Variants in CPA5 observed in about 807,000 individuals in gnomAD.
The protein encoded by CPA5 is testicular tissue protein Li 32.
A neutral mutation model predicts 52.2 loss-of-function variants in CPA5; 38 were observed. The observed-to-expected ratio is 0.73, with a 90% CI of 0.56 to 0.95. The LOEUF is 0.95. Ranked by LOEUF, CPA5 falls within the 40% of genes least tolerant of loss-of-function variation. The pLI, the probability that CPA5 is intolerant of heterozygous loss-of-function variation, is 0.00. For missense variants in CPA5, 519 were observed against 566.7 expected (o/e 0.92, Z 0.86); for synonymous variants, 198 against 213.7 (o/e 0.93, Z 0.64).
At chr7:130,355,492 C>T (rs915340485) in intron 5 of CPA5, among the ~76,000 whole-genome samples, 13 of 152,196 alleles carry the variant, frequency 8.5e-5, no homozygotes, top group East Asian at 5.8e-4. Flanking sequence ...CTGCAACCTC[C>T]GCCTCCTGGG....
Position 130,367,435 on chromosome 7 carries a change from C to T in CPA5, c.902C>T (p.Pro301Leu), listed in dbSNP as rs150704097. 3.2e-4 allele frequency: 517 copies of T among 1,614,100 alleles called. 1 individual carries two copies. The highest frequency in any genetic ancestry group is 1.3e-3 in the Middle Eastern group (8 of 6,052). The change falls in exon 11 of 13, where the codon CCG becomes CTG. Residue 301 changes from proline (P) to leucine (L), a missense_variant. Transcript: ENST00000474905. The stretch of plus-strand genomic sequence containing the variant: ...CACGGGCCCTCCCCTCAGTCGGAGC[C>T]GGAGGTGGCTGCCATAGTGAACTTC... ...TYHGPSPQSE[P>L]EVAAIVNFIT...
intron 7 of CPA5, 125 bp downstream of exon 7, chr7:130,361,369 C>T: frequency 1.5e-6 from 1 of 662,080 alleles, no homozygotes; most frequent in Non-Finnish European, 2.7e-6. Flanking sequence ...ACTCCTGTCC[C>T]CAGGTGACCC....
downstream of CPA5, among the ~76,000 whole-genome samples, chr7:130,370,335 T>TC (rs1796282569): frequency 6.7e-6 from 1 of 150,036 alleles, no homozygotes; most frequent in Admixed American, 6.6e-5. Context: ...ACAGGAGACT[T>TC]TTTTTTTTTA....
downstream of CPA5, among the ~76,000 whole-genome samples, chr7:130,372,322 G>C (rs1796302923): frequency 6.6e-6 from 1 of 152,226 alleles, no homozygotes; most frequent in South Asian, 2.1e-4. Context: ...TTAAAGGACT[G>C]TTTCTTCTCA....
intron 4 of CPA5, among the ~76,000 whole-genome samples, chr7:130,348,227 G>A (rs1177355872): frequency 1.3e-5 from 2 of 152,160 alleles, no homozygotes; most frequent in Admixed American, 6.5e-5. Flanking sequence ...CAAGTGAAAC[G>A]GCTTAGCTTG....
rs2117350738 is a variant in CPA5 at position 130,353,827 on chromosome 7, T to C, written c.333+3718T>C. ...AGCAGCCAGAAGAGTCCTTTAAAAC[T>C]ATTGCAAATTCAAGCATGTTGTTCC... On this transcript the variant is annotated intron_variant, in intron 5 of 12. Transcript: ENST00000474905. Among the ~76,000 whole-genome samples, 2 of 152,290 alleles carry C rather than the reference T, an allele frequency of 1.3e-5. 1 individual carries two copies. The highest frequency in any genetic ancestry group is 6.8e-3 in the Middle Eastern group (2 of 294).
intron 7 of CPA5, among the ~76,000 whole-genome samples, chr7:130,361,817 G>A (rs899610995): frequency 1.1e-4 from 16 of 152,210 alleles, no homozygotes; most frequent in African/African-American, 9.7e-5. Flanking sequence ...AAGGGCACCC[G>A]GGAGTGTGGA....
chr7:130,363,173 C>T (rs1476618212), intron 9 of CPA5, among the ~76,000 whole-genome samples, 179 bp downstream of exon 9: 4 of 152,224 alleles, frequency 2.6e-5, no homozygotes, highest in Non-Finnish European at 5.9e-5. Context: ...TTTCTTGCTG[C>T]CCAGGGAAGG....
In CPA5 at chr7:130,367,362, T is replaced by TTA; in HGVS notation, c.839-9_839-8dup. 1 of 1,613,714 alleles carries TTA rather than the reference T, an allele frequency of 6.2e-7. No homozygotes were observed. Among genetic ancestry groups the TTA allele is most frequent in the Non-Finnish European group, 8.5e-7 (1 of 1,179,918 alleles). On this transcript the variant is annotated splice_polypyrimidine_tract_variant and intron_variant, in intron 10 of 12. Transcript: ENST00000474905. ...ATTTGACTCTTTGGGTGGCTTTATTTTACTTCCAGGAAATGGTTCTAACAG... is the reference window on the plus strand; with the variant it reads ...ATTTGACTCTTTGGGTGGCTTTATTTTATACTTCCAGGAAATGGTTCTAACAG...
intron 5 of CPA5, among the ~76,000 whole-genome samples, chr7:130,351,008 C>T (rs1364289401): frequency 6.6e-6 from 1 of 152,214 alleles, no homozygotes; most frequent in African/African-American, 2.4e-5. Context: ...CCTAAGGGCT[C>T]CGACTGTGGG....
At position 130,363,425 on chromosome 7, in the gene CPA5, T is replaced by G; in HGVS notation, c.754T>G (p.Leu252Val). 1 of 1,569,230 alleles carries G rather than the reference T, an allele frequency of 6.4e-7. No homozygotes were observed. Among genetic ancestry groups the G allele is most frequent in the Non-Finnish European group, 8.7e-7 (1 of 1,155,948 alleles). ...CTGTCCTGGGCTTTCCCAGAACCGCTTATGGCGGAAGAACAAGTCCATCAG... is the reference window on the plus strand; with the variant it reads ...CTGTCCTGGGCTTTCCCAGAACCGCGTATGGCGGAAGAACAAGTCCATCAG... ...GFAFTHSMNR[L>V]WRKNKSIRPG... is the part of the protein sequence containing the mutation. The change falls in exon 10 of 13, where the codon TTA becomes GTA. Residue 252 changes from leucine to valine, a missense_variant. Leu to Val is a conservative substitution (Grantham distance 32). Transcript: ENST00000474905.
chr7:130,348,591 G>T (rs192526467), intron 4 of CPA5, among the ~76,000 whole-genome samples: 35 of 152,336 alleles, frequency 2.3e-4, no homozygotes, highest in Admixed American at 2.3e-3. Flanking sequence ...CCTGACCAGG[G>T]TTCTTGTCTG....
chr7:130,361,312 T>G (rs1456734909), intron 7 of CPA5, 68 bp downstream of exon 7: 3 of 1,093,040 alleles, frequency 2.7e-6, no homozygotes, highest in Non-Finnish European at 4.2e-6. Flanking sequence ...TGATCTCATA[T>G]GGGGTAGTGG....
intron 6 of CPA5, 42 bp downstream of exon 6, chr7:130,359,729 G>T: frequency 7.3e-7 from 1 of 1,374,294 alleles, no homozygotes; most frequent in South Asian, 1.3e-5. Flanking sequence ...TTGTGTCTTT[G>T]GGCCCCTTAG....
At chr7:130,361,888 G>A (rs1004431687) in intron 7 of CPA5, among the ~76,000 whole-genome samples, 2 of 152,182 alleles carry the variant, frequency 1.3e-5, no homozygotes, top group Non-Finnish European at 2.9e-5. Context: ...TGCTCTCAAC[G>A]ATTCTCTGAT....
chr7:130,371,818 A>C (rs1796297638), downstream of CPA5, among the ~76,000 whole-genome samples: 1 of 152,116 alleles, frequency 6.6e-6, no homozygotes, highest in Non-Finnish European at 1.5e-5. Flanking sequence ...TGGCCTCCCA[A>C]AGTGCTGGGA....
At chr7:130,357,131 G>C (rs573169033) in intron 5 of CPA5, among the ~76,000 whole-genome samples, 1 of 152,310 alleles carries the variant, frequency 6.6e-6, no homozygotes, top group South Asian at 2.1e-4. Context: ...AACTGTAATT[G>C]CCTCGCATGG....
chr7:130,355,057 A>G (rs1795395178), intron 5 of CPA5, among the ~76,000 whole-genome samples: 1 of 61,748 alleles, frequency 1.6e-5, no homozygotes, highest in Admixed American at 2.3e-4. Context: ...TGCCTGCATC[A>G]TGGGGGTAGG....
intron 10 of CPA5, 149 bp downstream of exon 10, chr7:130,363,658 G>A: frequency 1.5e-6 from 1 of 684,074 alleles, no homozygotes; most frequent in Non-Finnish European, 2.6e-6. Context: ...CCAGGGACAG[G>A]CAAGCACATA....
Sources: allele counts gnomAD v4.1 joint callset (sites outside exome capture counted in the v4.1 genomes callset), GRCh38; gene constraint gnomAD v4.1.1; transcripts MANE v1.5; gene names NCBI Gene and HGNC (gene_info 2026-07-23, HGNC 2026-07-21).